TACR1: variants seen among roughly 807,000 people sequenced by gnomAD.
TACR1 encodes substance-P receptor.
Under a neutral mutation model 35.8 loss-of-function variants are expected in TACR1, and 25 were observed. The ratio of observed to expected loss-of-function variants is 0.70; its 90% CI spans 0.51 to 0.98. The LOEUF (loss-of-function observed/expected upper bound fraction) is 0.98, where lower values mean the gene tolerates loss of function less well. Ranked by LOEUF, TACR1 falls within the 50% of genes least tolerant of loss-of-function variation. The probability of loss-of-function intolerance (pLI) is 0.00; values close to 1 mark genes in which losing one functional copy is unlikely to be tolerated. For missense variants in TACR1, 478 were observed against 522.9 expected (o/e 0.91, Z 0.84); for synonymous variants, 195 against 206.7 (o/e 0.94, Z 0.48).
intron 1 of TACR1, among the ~76,000 whole-genome samples, chr2:75,152,720 C>A (rs1054435231): frequency 2.0e-5 from 3 of 152,160 alleles, no homozygotes; most frequent in African/African-American, 7.2e-5. Context: ...TGATAAATAT[C>A]ACTAAACAGG....
At chr2:75,106,662 T>C (rs1028945387) in intron 2 of TACR1, among the ~76,000 whole-genome samples, 9 of 152,014 alleles carry the variant, frequency 5.9e-5, no homozygotes, top group African/African-American at 2.2e-4. Context: ...ATTATGTCAA[T>C]AGTTGTCAAT....
intron 3 of TACR1, among the ~76,000 whole-genome samples, chr2:75,052,117 A>T (rs77174977): frequency 6.6e-6 from 1 of 152,322 alleles, no homozygotes; most frequent in East Asian, 1.9e-4. Flanking sequence ...GTGTCACTTC[A>T]AATTTATATG....
intron 1 of TACR1, among the ~76,000 whole-genome samples, chr2:75,158,800 G>A (rs1053157418): frequency 9.9e-5 from 15 of 152,280 alleles, no homozygotes; most frequent in Admixed American, 2.6e-4. Context: ...CTTGCAATGT[G>A]GTGATTTAGC....
rs564754836 is a variant in TACR1, at chr2:75,093,766, A to G, written c.584+26808T>C. 2.6e-5 allele frequency among the ~76,000 whole-genome samples: 4 copies of G among 152,156 alleles called. No homozygotes were observed. The South Asian group carries it at 6.2e-4, about 24-fold the overall frequency. On this transcript the variant is annotated intron_variant, in intron 2 of 4. Transcript: ENST00000305249. ...ATATATATTATTCTTATTAAGCATA[A>G]GAATGCTGTTAGGCATTTTAAACGG...
At chr2:75,109,077 A>G (rs963324389) in intron 2 of TACR1, among the ~76,000 whole-genome samples, 4 of 152,172 alleles carry the variant, frequency 2.6e-5, no homozygotes, top group African/African-American at 9.7e-5. Context: ...TGGGAAAACA[A>G]TTTTAAGGAA....
chr2:75,118,744 A>G (rs573781143), intron 2 of TACR1: 2 of 152,226 alleles, frequency 1.3e-5, no homozygotes, highest in Non-Finnish European at 2.9e-5. Flanking sequence ...AGACCATGAA[A>G]ACTAAGAGCT....
At chr2:75,182,801 G>A (rs1158046187) in intron 1 of TACR1, among the ~76,000 whole-genome samples, 1 of 152,148 alleles carries the variant, frequency 6.6e-6, no homozygotes, top group Non-Finnish European at 1.5e-5. Flanking sequence ...CATTGTTCAT[G>A]ATGTTTGCAC....
intron 1 of TACR1, among the ~76,000 whole-genome samples, chr2:75,152,899 T>C (rs569298523): frequency 7.9e-5 from 12 of 152,252 alleles, no homozygotes; most frequent in Admixed American, 5.9e-4. Context: ...ACTTCTTTTT[T>C]GTTTGTTTGT....
intron 1 of TACR1, among the ~76,000 whole-genome samples, chr2:75,128,228 G>A (rs1385605189): frequency 6.6e-6 from 1 of 152,228 alleles, no homozygotes; most frequent in Non-Finnish European, 1.5e-5. Flanking sequence ...TAAAAGACAA[G>A]CTTACAAAGG....
intron 2 of TACR1, among the ~76,000 whole-genome samples, chr2:75,055,406 G>T (rs551421357): frequency 6.6e-6 from 1 of 152,194 alleles, no homozygotes; most frequent in Non-Finnish European, 1.5e-5. Flanking sequence ...CTGAATTGTC[G>T]CCTCCTTTGG....
intron 1 of TACR1, among the ~76,000 whole-genome samples, chr2:75,164,328 A>C (rs1236808510): frequency 6.7e-6 from 1 of 148,690 alleles, no homozygotes; most frequent in African/African-American, 2.5e-5. Context: ...CTCCATCTTA[A>C]AAAAAAAAAA....
chr2:75,074,965 G>T (rs988056792), intron 2 of TACR1, among the ~76,000 whole-genome samples: 1 of 152,158 alleles, frequency 6.6e-6, no homozygotes, highest in African/African-American at 2.4e-5. Context: ...AGGATGGTTG[G>T]TCACTTTAGA....
intron 1 of TACR1, among the ~76,000 whole-genome samples, chr2:75,125,442 C>T (rs573769906): frequency 6.6e-6 from 1 of 152,282 alleles, no homozygotes; most frequent in East Asian, 1.9e-4. Context: ...TCCTCGGCCT[C>T]CCAAAGTGCT....
chr2:75,094,977 C>T (rs909940931), intron 2 of TACR1, among the ~76,000 whole-genome samples: 2 of 151,000 alleles, frequency 1.3e-5, no homozygotes, highest in African/African-American at 4.9e-5. Context: ...AGAGAAGCTA[C>T]AGTAAGTATG....
At chr2:75,146,650 T>C (rs1034378420) in intron 1 of TACR1, among the ~76,000 whole-genome samples, 2 of 152,190 alleles carry the variant, frequency 1.3e-5, no homozygotes, top group Non-Finnish European at 2.9e-5. Flanking sequence ...CTAATAACCA[T>C]AGAGGAGCCA....
chr2:75,088,914 G>T (rs955777894), intron 2 of TACR1, among the ~76,000 whole-genome samples: 9 of 152,074 alleles, frequency 5.9e-5, no homozygotes. Context: ...GCGTGTGGTT[G>T]TCTTCCTTCC....
At chr2:75,134,117 A>G (rs1039915293) in intron 1 of TACR1, among the ~76,000 whole-genome samples, 6 of 152,216 alleles carry the variant, frequency 3.9e-5, no homozygotes, top group Non-Finnish European at 8.8e-5. Context: ...GCATGTAACT[A>G]AGAAATAATC....
Position 75,172,448 on chromosome 2 carries a change from T to C in TACR1, c.389+26098A>G, listed in dbSNP as rs114660884. Among the ~76,000 whole-genome samples the C allele has an allele frequency of 9.6e-3, 1,467 of 152,296 alleles. 16 individuals are homozygous for C. Among genetic ancestry groups the C allele is most frequent in the African/African-American group, 0.034 (1,401 of 41,562 alleles). On this transcript the variant is annotated intron_variant, in intron 1 of 4. Transcript: ENST00000305249. ...GAAGGAATATGAGAAAAAAAGTTCCTTGGACACTTTTCTTTTCGGGCTGTC... is the reference window on the plus strand; with the variant it reads ...GAAGGAATATGAGAAAAAAAGTTCCCTGGACACTTTTCTTTTCGGGCTGTC...
chr2:75,140,077 G>A (rs976523), intron 1 of TACR1, among the ~76,000 whole-genome samples: 75,395 of 151,968 alleles, frequency 0.5, 19,497 homozygotes, highest in Non-Finnish European at 0.54. Context: ...TCTGGGTACT[G>A]TATGATTATC....
Sources: gnomAD v4.1 joint callset for allele counts (sites outside exome capture counted in the v4.1 genomes callset) on GRCh38, gnomAD v4.1.1 for gene constraint, MANE v1.5 for transcripts, NCBI Gene and HGNC (gene_info 2026-07-23, HGNC 2026-07-21) for gene names.